The following MAD2L1 variants were observed in gnomAD, a reference collection of about 807,000 sequenced individuals.
MAD2L1 encodes the protein mitotic arrest deficient 2 like 1, also known as mitotic spindle assembly checkpoint protein MAD2A.
In MAD2L1, 10 loss-of-function variants were observed where a neutral mutation model predicts 25.9. The observed-to-expected ratio is 0.39, with a 90% CI of 0.24 to 0.66. MAD2L1 has a LOEUF of 0.66. MAD2L1 is among the 30% of genes least tolerant of loss of function. The probability of loss-of-function intolerance (pLI) is 0.49; values close to 1 mark genes in which losing one functional copy is unlikely to be tolerated. For synonymous variants in MAD2L1, 81 were observed against 91.8 expected, an observed-to-expected ratio of 0.88 and a Z score of 0.67; for missense variants, 180 against 246.4, an observed-to-expected ratio of 0.73 and a Z score of 1.80.
In MAD2L1 at chr4:120,059,849, T is replaced by C. The variant is rs1163120402; in HGVS notation, c.*269A>G. ...AGTTTTTCCATCTACAGTTACTATC[T>C]TCAAAGGAATATACATCACAATGTT... On this transcript the variant is annotated 3_prime_UTR_variant, in exon 5 of 5. Coordinates refer to ENST00000296509, the MANE Select transcript of MAD2L1 (RefSeq NM_002358.4). The C allele has an allele frequency of 7.7e-6, 2 of 258,392 alleles. No individual in the cohort carries two copies. Among genetic ancestry groups the C allele is most frequent in the African/African-American group, 4.4e-5 (2 of 45,486 alleles). The allele number at this position is 258,392 out of a possible 1,614,324, so 16.0% of individuals were successfully genotyped here. A position where few individuals can be genotyped will look rare whatever the true frequency, so the allele number is the denominator to read the frequency against.
In MAD2L1 at chr4:120,060,864, T is replaced by A. The variant is rs1198996913; in HGVS notation, c.445+10A>T. 4 of 1,567,434 alleles carry A rather than the reference T, an allele frequency of 2.6e-6. No individual in the cohort carries two copies. In the African/African-American group the frequency reaches 4.0e-5, roughly 16 times the overall value. On this transcript the variant is annotated intron_variant, in intron 4 of 4. Coordinates refer to ENST00000296509, the MANE Select transcript of MAD2L1 (RefSeq NM_002358.4). ...CAATTTAATTCAACAAGAAGTTGTA[T>A]AATACTTACAAGAAACTTCCAACAG...
rs1443884123 is a variant in MAD2L1 at position 120,058,847 on chromosome 4, A to T, written c.*1271T>A. 1 of 152,212 alleles carries T rather than the reference A, an allele frequency of 6.6e-6. No homozygotes were observed. Among genetic ancestry groups the T allele is most frequent in the Non-Finnish European group, 1.5e-5 (1 of 68,040 alleles). The allele number at this position is 152,212 out of a possible 1,614,324, so 9.4% of individuals were successfully genotyped here. A position where few individuals can be genotyped will look rare whatever the true frequency, so the allele number is the denominator to read the frequency against. On this transcript the variant is annotated 3_prime_UTR_variant, in exon 5 of 5. Transcript: ENST00000296509. ...TGCTCAATATGTAATTTCTGAATGA[A>T]CAGATTCAGACTATGTGCAATTACT... is the stretch of plus-strand genomic sequence containing the variant.
At position 120,060,056 on chromosome 4, in the gene MAD2L1, G is replaced by A. The variant is rs1175399603; in HGVS notation, c.*62C>T. The A allele has an allele frequency of 7.2e-7, 1 of 1,394,508 alleles. No homozygotes were observed. Among genetic ancestry groups the A allele is most frequent in the South Asian group, 1.3e-5 (1 of 75,854 alleles). 86.4% of individuals were successfully genotyped at this position (1,394,508 alleles called of 1,614,324 possible). A position where few individuals can be genotyped will look rare whatever the true frequency, so the allele number is the denominator to read the frequency against. On this transcript the variant is annotated 3_prime_UTR_variant, in exon 5 of 5. Transcript: ENST00000296509. ...GAAATAAAACATATCAACTATAGATGACTTGATTTCAGGAAAACCACATTT... is the reference window on the plus strand; with the variant it reads ...GAAATAAAACATATCAACTATAGATAACTTGATTTCAGGAAAACCACATTT...
intron 2 of MAD2L1, among the ~76,000 whole-genome samples, chr4:120,062,801 T>C (rs774333846): frequency 1.1e-4 from 17 of 152,194 alleles, no homozygotes; most frequent in Non-Finnish European, 2.4e-4. Context: ...ATTCTAGCCG[T>C]GATACGGAAA....
chr4:120,058,092 C>T lies in MAD2L1; in HGVS notation c.*2026G>A, dbSNP rs1038449559. On this transcript the variant is annotated 3_prime_UTR_variant, in exon 5 of 5. Transcript: ENST00000296509. ...CAGGCTGGTCTCAAACTCCTGATCT[C>T]GTGATCCACCTGCCTCGGCCTCCCA... is the stretch of plus-strand genomic sequence containing the variant. The T allele has an allele frequency of 1.3e-5, 2 of 152,016 alleles. No homozygotes were observed. The highest frequency in any genetic ancestry group is 1.3e-4 in the Admixed American group (2 of 15,254). The allele number at this position is 152,016 out of a possible 1,614,324, so 9.4% of individuals were successfully genotyped here. A position where few individuals can be genotyped will look rare whatever the true frequency, so the allele number is the denominator to read the frequency against.
intron 2 of MAD2L1, among the ~76,000 whole-genome samples, 170 bp from the exon 3 acceptor site, chr4:120,062,265 TTC>T (rs1337639536): frequency 6.6e-6 from 1 of 152,212 alleles, no homozygotes; most frequent in East Asian, 1.9e-4. Context: ...TGTTTTCAAA[TTC>T]TCAGTATCTG....
chr4:120,063,794 G>A (rs575222679), intron 2 of MAD2L1, among the ~76,000 whole-genome samples: 3 of 152,204 alleles, frequency 2.0e-5, no homozygotes, highest in East Asian at 1.9e-4. Flanking sequence ...GGTGGATCAC[G>A]AGGTCAGGAG....
In MAD2L1 at chr4:120,060,902, C is replaced by T. The variant is rs1726203689; in HGVS notation, c.417G>A (p.Val139=). 6.2e-7 allele frequency: 1 copy of T among 1,607,380 alleles called. No homozygotes were observed. Among genetic ancestry groups the T allele is most frequent in the Non-Finnish European group, 8.5e-7 (1 of 1,175,442 alleles). Residue 139 remains valine, a synonymous_variant, in exon 4 of 5, where the codon GTG becomes GTA. Coordinates refer to ENST00000296509, the MANE Select transcript of MAD2L1 (RefSeq NM_002358.4). ...RSVIRQITAT[V]TFLPLLEVSC... Reference sequence around the variant, plus strand: ...AAACTTCCAACAGTGGCAGAAATGTCACCGTAGCTGTGATCTGTCTGATCA... The same window carrying T: ...AAACTTCCAACAGTGGCAGAAATGTTACCGTAGCTGTGATCTGTCTGATCA...
Position 120,060,204 on chromosome 4 carries a change from A to T in MAD2L1, c.532T>A (p.Ser178Thr), listed in dbSNP as rs1459686321. Residue 178 changes from serine (S) to threonine (T), a missense_variant, in exon 5 of 5, where the codon TCT (serine) becomes ACT (threonine). Ser to Thr is a moderately conservative substitution (Grantham distance 58). Transcript: ENST00000296509. ...AATGAACGAAGGCGGACTTCCTCAG[A>T]ATTGGTAATAAACTGTGGTCCCGAC... ...EESGPQFITN[S>T]EEVRLRSFTT... 1 of 1,612,876 alleles carries T rather than the reference A, an allele frequency of 6.2e-7. No homozygotes were observed. The highest frequency in any genetic ancestry group is 2.2e-5 in the East Asian group (1 of 44,840).
chr4:120,061,989 A>G lies in MAD2L1; in HGVS notation c.327T>C (p.Thr109=). ...TTCCTATTTACCTGTCATCTTTTGCAGTCTTGTCACACTCAATATCAAACT... is the reference window on the plus strand; with the variant it reads ...TTCCTATTTACCTGTCATCTTTTGCGGTCTTGTCACACTCAATATCAAACT... ...RWQFDIECDK[T]AKDDSAPREK... is the part of the protein sequence containing the mutation. Residue 109 remains threonine, a synonymous_variant, in exon 3 of 5, where the codon ACT becomes ACC. Coordinates refer to ENST00000296509, the MANE Select transcript of MAD2L1 (RefSeq NM_002358.4). 18 of 1,605,788 alleles carry G rather than the reference A, an allele frequency of 1.1e-5. No homozygotes were observed. Among genetic ancestry groups the G allele is most frequent in the Non-Finnish European group, 1.4e-5 (17 of 1,177,294 alleles).
At position 120,056,081 on chromosome 4, in the gene MAD2L1, G is replaced by C. The variant is rs1268523232; in HGVS notation, c.*4037C>G. The C allele has an allele frequency of 6.6e-6, 1 of 152,198 alleles. No individual in the cohort carries two copies. Among genetic ancestry groups the C allele is most frequent in the African/African-American group, 2.4e-5 (1 of 41,440 alleles). 9.4% of individuals were successfully genotyped at this position (152,198 alleles called of 1,614,324 possible). A position where few individuals can be genotyped will look rare whatever the true frequency, so the allele number is the denominator to read the frequency against. On this transcript the variant is annotated 3_prime_UTR_variant, in exon 5 of 5. Coordinates refer to ENST00000296509, the MANE Select transcript of MAD2L1 (RefSeq NM_002358.4). ...CTCCTTTTGATATGCTTGTTGGGGA[G>C]TCAGGATGAACTTCCTTGGCTAGGG... is the stretch of plus-strand genomic sequence containing the variant.
rs555476260 is a variant in MAD2L1 at position 120,063,333 on chromosome 4, G to A, written c.221-1238C>T. Among the ~76,000 whole-genome samples the A allele has an allele frequency of 1.6e-3, 242 of 152,316 alleles. 1 individual carries two copies. The highest frequency in any genetic ancestry group is 5.5e-3 in the African/African-American group (228 of 41,566). On this transcript the variant is annotated intron_variant, in intron 2 of 4. Coordinates refer to ENST00000296509, the MANE Select transcript of MAD2L1 (RefSeq NM_002358.4). ...TGAAGTAATCTTGGAAATTGAAACA[G>A]CATATTCAGGAGTCAGCGAAGTTTT...
intron 4 of MAD2L1, among the ~76,000 whole-genome samples, chr4:120,060,565 T>C (rs1726196358): frequency 6.6e-6 from 1 of 152,202 alleles, no homozygotes; most frequent in South Asian, 2.1e-4. Context: ...CATATTGTTA[T>C]AATTGTTCCA....
Position 120,055,696 on chromosome 4 carries a change from TAAG to T in MAD2L1, c.*4419_*4421del, listed in dbSNP as rs1284610695. 3 of 152,066 alleles carry T rather than the reference TAAG, an allele frequency of 2.0e-5. No homozygotes were observed. The highest frequency in any genetic ancestry group is 4.4e-5 in the Non-Finnish European group (3 of 67,992). 9.4% of individuals were successfully genotyped at this position (152,066 alleles called of 1,614,324 possible). A position where few individuals can be genotyped will look rare whatever the true frequency, so the allele number is the denominator to read the frequency against. Reference sequence around the variant, plus strand: ...ATATTTCATACATTTAAAAAAAGAATAAGAAATTATTTACAAGTTAAGCCGCAA... The same window carrying T: ...ATATTTCATACATTTAAAAAAAGAATAAATTATTTACAAGTTAAGCCGCAA... On this transcript the variant is annotated 3_prime_UTR_variant, in exon 5 of 5. Coordinates refer to ENST00000296509, the MANE Select transcript of MAD2L1 (RefSeq NM_002358.4).
Position 120,059,148 on chromosome 4 carries a change from A to G in MAD2L1, c.*970T>C, listed in dbSNP as rs548079852. 55 of 152,346 alleles carry G rather than the reference A, an allele frequency of 3.6e-4. No homozygotes were observed. Among genetic ancestry groups the G allele is most frequent in the Non-Finnish European group, 7.1e-4 (48 of 68,024 alleles). 9.4% of individuals were successfully genotyped at this position (152,346 alleles called of 1,614,324 possible). ...GACAATAAGGCTAAGAGTATAGTAAAGTACTAAAATCAACACTTGTTCAAC... is the reference window on the plus strand; with the variant it reads ...GACAATAAGGCTAAGAGTATAGTAAGGTACTAAAATCAACACTTGTTCAAC... On this transcript the variant is annotated 3_prime_UTR_variant, in exon 5 of 5. Transcript: ENST00000296509.
At chr4:120,066,155 C>T (rs1243977551) in intron 1 of MAD2L1, among the ~76,000 whole-genome samples, 2 of 152,088 alleles carry the variant, frequency 1.3e-5, no homozygotes, top group African/African-American at 4.8e-5. Context: ...TTCGAGTTAG[C>T]AACTGACTGA....
intron 1 of MAD2L1, 80 bp from the exon 2 acceptor site, chr4:120,065,898 TA>T: frequency 7.0e-7 from 1 of 1,425,338 alleles, no homozygotes; most frequent in Non-Finnish European, 9.7e-7. Flanking sequence ...GATGTTGCTA[TA>T]TTTTCATTAG....
intron 3 of MAD2L1, among the ~76,000 whole-genome samples, chr4:120,061,741 T>G (rs551710728): frequency 6.6e-6 from 1 of 152,288 alleles, no homozygotes; most frequent in African/African-American, 2.4e-5. Context: ...TGAAAACTAC[T>G]GATTTAGACT....
At chr4:120,064,091 G>A (rs973033566) in intron 2 of MAD2L1, among the ~76,000 whole-genome samples, 9 of 152,172 alleles carry the variant, frequency 5.9e-5, no homozygotes, top group Non-Finnish European at 1.2e-4. Flanking sequence ...ACACAAATAA[G>A]GTGAAATGTC....
Sources: gnomAD v4.1 joint callset for allele counts (sites outside exome capture counted in the v4.1 genomes callset) on GRCh38, gnomAD v4.1.1 for gene constraint, MANE v1.5 for transcripts, NCBI Gene and HGNC (gene_info 2026-07-23, HGNC 2026-07-21) for gene names.